Variants in RHOU observed in about 807,000 individuals in gnomAD.
RHOU encodes the protein ras homolog family member U, also known as rho-related GTP-binding protein RhoU.
A neutral mutation model predicts 12.6 loss-of-function variants in RHOU; 8 were observed. The observed-to-expected ratio is 0.64, with a 90% CI of 0.37 to 1.15. The LOEUF (loss-of-function observed/expected upper bound fraction) is 1.15, where lower values mean the gene tolerates loss of function less well. Ranked by LOEUF, RHOU falls within the 50% of genes most tolerant of loss-of-function variation. The probability of loss-of-function intolerance (pLI) is 0.01; values close to 1 mark genes in which losing one functional copy is unlikely to be tolerated. For missense variants in RHOU, 258 were observed against 347.0 expected (o/e 0.74, Z 2.04); for synonymous variants, 161 against 147.4 (o/e 1.09, Z -0.67).
the RHOU span, among the ~76,000 whole-genome samples, chr1:228,720,201 TATGGGCACTTC>T: frequency 6.6e-6 from 1 of 152,112 alleles, no homozygotes; most frequent in African/African-American, 2.4e-5. Context: ...CCTATTAGAT[TATGGGCACTTC>T]AGCACAGTTT....
chr1:228,664,573 C>A, the RHOU span, among the ~76,000 whole-genome samples: 1 of 152,106 alleles, frequency 6.6e-6, no homozygotes, highest in Non-Finnish European at 1.5e-5. Flanking sequence ...AATTGTCCGG[C>A]AGAGGGCAGC....
Position 228,743,409 on chromosome 1 carries a change from G to C in RHOU, c.446G>C (p.Cys149Ser). Residue 149 changes from cysteine (C) to serine (S), a missense_variant, in exon 3 of 3, where the codon TGC becomes TCC. Physicochemically the swap from Cys to Ser is moderately radical, Grantham distance 112. Transcript: ENST00000366691. The surrounding 1 kb of genome is among the most constrained non-coding windows in gnomAD (Gnocchi z 5.1). ...VSEKWVPEIR[C>S]HCPKAPIILV... is the part of the protein sequence containing the mutation. ...GAGAAATGGGTGCCGGAGATTCGAT[G>C]CCACTGTCCCAAAGCCCCCATCATC... 6.2e-7 allele frequency: 1 copy of C among 1,614,130 alleles called. No individual in the cohort carries two copies. The highest frequency in any genetic ancestry group is 8.5e-7 in the Non-Finnish European group (1 of 1,180,016).
chr1:228,669,641 T>C, the RHOU span, among the ~76,000 whole-genome samples: 4 of 152,190 alleles, frequency 2.6e-5, no homozygotes, highest in African/African-American at 9.7e-5. Flanking sequence ...TTGAGTAAAA[T>C]TTTAACTTAG....
the RHOU span, among the ~76,000 whole-genome samples, chr1:228,723,766 C>G: frequency 6.6e-6 from 1 of 152,208 alleles, no homozygotes; most frequent in Admixed American, 6.5e-5. Flanking sequence ...CAATGGCTCC[C>G]AGGCTTCTGC....
At chr1:228,722,726 G>A in the RHOU span, among the ~76,000 whole-genome samples, 1 of 151,676 alleles carries the variant, frequency 6.6e-6, no homozygotes, top group African/African-American at 2.4e-5. Flanking sequence ...AGGTTCAAGC[G>A]ATTCTCCTGC....
the RHOU span, chr1:228,648,152 A>C: frequency 2.0e-5 from 3 of 152,454 alleles, no homozygotes; most frequent in African/African-American, 7.2e-5. Context: ...CGCTCGCCGG[A>C]GGTCTGGCTG....
the RHOU span, among the ~76,000 whole-genome samples, chr1:228,656,816 A>G: frequency 6.6e-6 from 1 of 152,228 alleles, no homozygotes; most frequent in Admixed American, 6.5e-5. Flanking sequence ...AAAATGACAG[A>G]AGTAAGTTCT....
chr1:228,676,596 C>T, the RHOU span, among the ~76,000 whole-genome samples: 1 of 152,322 alleles, frequency 6.6e-6, no homozygotes, highest in South Asian at 2.1e-4. Flanking sequence ...ACCAAACAGG[C>T]TTTGTGTGAG....
rs768776993 is a variant in RHOU at position 228,743,424 on chromosome 1, C to G, written c.461C>G (p.Ala154Gly). The G allele has an allele frequency of 6.2e-7, 1 of 1,614,134 alleles. No homozygotes were observed. The highest frequency in any genetic ancestry group is 8.5e-7 in the Non-Finnish European group (1 of 1,180,018). The change falls in exon 3 of 3, where the codon GCC becomes GGC. Residue 154 changes from alanine (A) to glycine (G), a missense_variant. Ala to Gly is a moderately conservative substitution (Grantham distance 60, BLOSUM62 0). Transcript: ENST00000366691. This position sits in a 1 kb window ranked among gnomAD's most constrained non-coding sequence, Gnocchi z 5.1. ...GAGATTCGATGCCACTGTCCCAAAG[C>G]CCCCATCATCCTAGTTGGAACGCAG... Reference protein sequence around the residue: ...VPEIRCHCPKAPIILVGTQSD... With the variant: ...VPEIRCHCPKGPIILVGTQSD...
At chr1:228,716,280 C>A in the RHOU span, among the ~76,000 whole-genome samples, 2 of 152,150 alleles carry the variant, frequency 1.3e-5, no homozygotes, top group Non-Finnish European at 2.9e-5. Flanking sequence ...ACCTTGCCCC[C>A]TTCCTGTGGA....
At chr1:228,691,359 A>G in the RHOU span, among the ~76,000 whole-genome samples, 1 of 152,132 alleles carries the variant, frequency 6.6e-6, no homozygotes, top group Non-Finnish European at 1.5e-5. Context: ...ACGGTATCAC[A>G]CAGAGGAGTT....
the RHOU span, chr1:228,687,744 T>C: frequency 7.0e-7 from 1 of 1,426,518 alleles, no homozygotes; most frequent in South Asian, 1.1e-5. Context: ...GACCAACTTG[T>C]GCAAGATGGG....
chr1:228,734,703 G>A (rs116672711), upstream of RHOU, among the ~76,000 whole-genome samples: 3,920 of 152,264 alleles, frequency 0.026, 177 homozygotes, highest in African/African-American at 0.089. Flanking sequence ...ACTTGGCTAA[G>A]AGGCGTCCTT....
the RHOU span, among the ~76,000 whole-genome samples, chr1:228,680,279 A>G: frequency 1.8e-3 from 276 of 152,270 alleles, 2 homozygotes; most frequent in Middle Eastern, 0.024. Context: ...CTTCAGGAGC[A>G]GCAGCAATGT....
chr1:228,694,529 T>C, the RHOU span, among the ~76,000 whole-genome samples: 1 of 152,154 alleles, frequency 6.6e-6, no homozygotes, highest in African/African-American at 2.4e-5. Context: ...CAGGAGTCCA[T>C]GTGTTCTCAT....
chr1:228,696,473 T>G, the RHOU span, among the ~76,000 whole-genome samples: 13 of 152,232 alleles, frequency 8.5e-5, no homozygotes, highest in Admixed American at 1.3e-4. Flanking sequence ...TTGTAAGGTA[T>G]TATTTGTTTA....
the RHOU span, among the ~76,000 whole-genome samples, chr1:228,654,903 A>G: frequency 5.3e-5 from 8 of 152,276 alleles, no homozygotes; most frequent in East Asian, 1.5e-3. Flanking sequence ...TGTTATTGCT[A>G]ATTCTATGTG....
chr1:228,663,615 CTTTTCTTTTCTTTTTTTTT>C, the RHOU span, among the ~76,000 whole-genome samples: 12 of 86,708 alleles, frequency 1.4e-4, no homozygotes, highest in African/African-American at 2.5e-4. Context: ...CTTTTCTTTT[CTTTTCTTTTCTTTTTTTTT>C]TTTTTTTTTT....
chr1:228,681,186 A>C, the RHOU span, among the ~76,000 whole-genome samples: 1 of 152,138 alleles, frequency 6.6e-6, no homozygotes, highest in African/African-American at 2.4e-5. Flanking sequence ...AGGCACATGT[A>C]CTCTGACTAT....
Sources: allele counts gnomAD v4.1 joint callset (sites outside exome capture counted in the v4.1 genomes callset), GRCh38; gene constraint gnomAD v4.1.1; non-coding constraint Gnocchi (gnomAD v3.1); transcripts MANE v1.5; gene names NCBI Gene and HGNC (gene_info 2026-07-23, HGNC 2026-07-21).